The following PLXDC1 variants were observed in gnomAD, a reference collection of about 807,000 sequenced individuals.
The protein encoded by PLXDC1 is plexin domain-containing protein 1.
Under a neutral mutation model 61.3 loss-of-function variants are expected in PLXDC1, and 39 were observed. The ratio of observed to expected loss-of-function variants is 0.64; its 90% CI spans 0.49 to 0.83. The LOEUF (loss-of-function observed/expected upper bound fraction) is 0.83. Among genes scored for constraint, PLXDC1 ranks in the 40% least tolerant of loss-of-function variants. PLXDC1 has a pLI of 0.00. For synonymous variants in PLXDC1, 212 were observed against 254.5 expected (o/e 0.83, Z 1.59); for missense variants, 596 against 666.5 (o/e 0.89, Z 1.17).
intron 1 of PLXDC1, among the ~76,000 whole-genome samples, chr17:39,149,751 C>T (rs146712645): frequency 8.5e-5 from 13 of 152,224 alleles, no homozygotes; most frequent in African/African-American, 3.1e-4. Context: ...TCCTTGTTAC[C>T]TCCCAATTCC....
intron 1 of PLXDC1, 101 bp from the exon 2 acceptor site, chr17:39,139,933 C>G (rs1911881188): frequency 8.4e-7 from 1 of 1,186,108 alleles, no homozygotes; most frequent in Admixed American, 2.6e-5. Context: ...CACCATGCCA[C>G]TGTAGAATTT....
At chr17:39,090,701 G>GC (rs1909915428) in intron 7 of PLXDC1, among the ~76,000 whole-genome samples, 1 of 152,174 alleles carries the variant, frequency 6.6e-6, no homozygotes, top group Non-Finnish European at 1.5e-5. Flanking sequence ...AAGCATGTGA[G>GC]CCCCTTTTCT....
At chr17:39,139,507 T>A (rs182501405) in intron 2 of PLXDC1, 147 bp downstream of exon 2, 95 of 709,038 alleles carry the variant, frequency 1.3e-4, no homozygotes, top group Middle Eastern at 1.2e-3. Flanking sequence ...TTCCATCCCC[T>A]CCCCGGGGAT....
At chr17:39,115,507 A>G (rs577194137) in intron 2 of PLXDC1, among the ~76,000 whole-genome samples, 54 of 152,282 alleles carry the variant, frequency 3.5e-4, no homozygotes, top group African/African-American at 1.3e-3. Flanking sequence ...CCTGACTTTT[A>G]TTACTCCAGG....
intron 11 of PLXDC1, among the ~76,000 whole-genome samples, chr17:39,074,028 G>A (rs1490284307): frequency 6.6e-6 from 1 of 152,000 alleles, no homozygotes; most frequent in East Asian, 1.9e-4. Context: ...TGGAGTGCTG[G>A]GTCCCTTCAT....
At position 39,116,074 on chromosome 17, in the gene PLXDC1, C is replaced by T. The variant is rs143603869; in HGVS notation, c.256-6683G>A. 2.2e-3 allele frequency among the ~76,000 whole-genome samples: 329 copies of T among 152,206 alleles called. 6 individuals carry two copies. In the East Asian group the frequency reaches 0.04, roughly 19 times the overall value. On this transcript the variant is annotated intron_variant, in intron 2 of 13. Coordinates refer to ENST00000315392, the MANE Select transcript of PLXDC1 (RefSeq NM_020405.5). ...TGGAGGTTGCTGTGAGCCGAGATTG[C>T]GCCACTGCACTCCAGCCTGGGTGAC...
At chr17:39,129,729 AAAAG>A (rs1455075031) in intron 2 of PLXDC1, among the ~76,000 whole-genome samples, 4 of 39,354 alleles carry the variant, frequency 1.0e-4, no homozygotes, top group African/African-American at 2.5e-4. Context: ...AGAAAGAAAG[AAAAG>A]AAAGAAAGGA....
intron 6 of PLXDC1, among the ~76,000 whole-genome samples, chr17:39,106,876 T>C (rs1910613419): frequency 1.3e-5 from 2 of 151,930 alleles, no homozygotes; most frequent in African/African-American, 4.8e-5. Context: ...GGTCTCGAAC[T>C]CCTGAGCTCT....
chr17:39,120,303 C>A (rs1457322012), intron 2 of PLXDC1, among the ~76,000 whole-genome samples: 1 of 152,152 alleles, frequency 6.6e-6, no homozygotes, highest in Non-Finnish European at 1.5e-5. Context: ...AGGCACCCGC[C>A]ACCACGCCCG....
chr17:39,151,340 GGCCGGCTCCC>G lies in PLXDC1; in HGVS notation c.76+12_76+21del. 1 of 1,272,072 alleles carries G rather than the reference GGCCGGCTCCC, an allele frequency of 7.9e-7. No individual in the cohort carries two copies. Among genetic ancestry groups the G allele is most frequent in the East Asian group, 3.1e-5 (1 of 31,820 alleles). 78.8% of individuals were successfully genotyped at this position (1,272,072 alleles called of 1,614,324 possible). A position where few individuals can be genotyped will look rare whatever the true frequency, so the allele number is the denominator to read the frequency against. On this transcript the variant is annotated intron_variant, in intron 1 of 13. Transcript: ENST00000315392. The surrounding 1 kb of genome is among the most constrained non-coding windows in gnomAD (Gnocchi z 5.2). ...TCCCTCCCCGCCCCCGGCCCACCCG[GGCCGGCTCCC>G]GCCAGTCCTACCTGCTCCGGGCTGG...
Position 39,077,946 on chromosome 17 carries a change from A to C in PLXDC1, c.1153T>G (p.Ser385Ala). 6.2e-7 allele frequency: 1 copy of C among 1,613,902 alleles called. No individual in the cohort carries two copies. The highest frequency in any genetic ancestry group is 8.5e-7 in the Non-Finnish European group (1 of 1,179,902). The change falls in exon 11 of 14, where the codon TCC becomes GCC. Residue 385 changes from serine (S) to alanine (A), a missense_variant. By Grantham distance (99) the Ser-to-Ala change is moderately conservative (BLOSUM62 1). Transcript: ENST00000315392. ...GTGAGGCTGTCGATGAAGAGGGAGG[A>C]GGAGGTAGTGGTGAGGTCTCCATCA... ...PYDGDLTTTS[S>A]SLFIDSLTTE...
At chr17:39,118,612 T>C (rs927949490) in intron 2 of PLXDC1, among the ~76,000 whole-genome samples, 1 of 152,192 alleles carries the variant, frequency 6.6e-6, no homozygotes, top group African/African-American at 2.4e-5. Flanking sequence ...ACCAGACATG[T>C]TTTAGGATGC....
chr17:39,107,667 G>A (rs915305442), intron 5 of PLXDC1, 142 bp from the exon 6 acceptor site: 2 of 712,000 alleles, frequency 2.8e-6, no homozygotes, highest in African/African-American at 3.5e-5. Context: ...GGAGGCAGGA[G>A]CTGGGCAGCT....
intron 7 of PLXDC1, among the ~76,000 whole-genome samples, chr17:39,101,522 A>C (rs545134627): frequency 2.0e-5 from 3 of 152,266 alleles, no homozygotes; most frequent in South Asian, 4.1e-4. Context: ...TGCGAGCCCC[A>C]CACTTCTGTG....
chr17:39,133,639 G>A (rs1911635829), intron 2 of PLXDC1, among the ~76,000 whole-genome samples: 1 of 152,126 alleles, frequency 6.6e-6, no homozygotes, highest in Non-Finnish European at 1.5e-5. Flanking sequence ...ATTTTTTTGA[G>A]GCTGGGTCTT....
At chr17:39,103,163 T>C (rs897606489) in intron 7 of PLXDC1, among the ~76,000 whole-genome samples, 9 of 150,240 alleles carry the variant, frequency 6.0e-5, no homozygotes, top group Admixed American at 4.6e-4. Context: ...TGCAGTGAGC[T>C]GAGATCTCAT....
chr17:39,143,082 G>A (rs1426372366), intron 1 of PLXDC1, among the ~76,000 whole-genome samples: 1 of 152,188 alleles, frequency 6.6e-6, no homozygotes, highest in Non-Finnish European at 1.5e-5. Flanking sequence ...AGGTTGCAGT[G>A]AGCCGAGATT....
chr17:39,133,363 C>G (rs935788637), intron 2 of PLXDC1, among the ~76,000 whole-genome samples: 1 of 152,106 alleles, frequency 6.6e-6, no homozygotes, highest in Non-Finnish European at 1.5e-5. Context: ...CACTGACATT[C>G]TCTCATGTGT....
At chr17:39,152,339 G>C (rs1002316357), upstream of PLXDC1, 2 of 425,808 alleles carry the variant, frequency 4.7e-6, no homozygotes, top group African/African-American at 4.1e-5. Flanking sequence ...CCTACTCAGG[G>C]CCAGACCCAA....
Sources: gnomAD v4.1 joint callset for allele counts (sites outside exome capture counted in the v4.1 genomes callset) on GRCh38, gnomAD v4.1.1 for gene constraint, Gnocchi (gnomAD v3.1) non-coding constraint, MANE v1.5 for transcripts, NCBI Gene and HGNC (gene_info 2026-07-23, HGNC 2026-07-21) for gene names.